ZNF169: variants seen among roughly 807,000 people sequenced by gnomAD.
ZNF169 encodes zinc finger protein 169.
In ZNF169, 11 loss-of-function variants were observed where a neutral mutation model predicts 12.0. The observed-to-expected ratio is 0.92, with a 90% confidence interval of 0.58 to 1.52. The LOEUF (loss-of-function observed/expected upper bound fraction) is 1.52. Among genes scored for constraint, ZNF169 ranks in the 40% most tolerant of loss-of-function variants. The probability of loss-of-function intolerance (pLI) is 0.00; values close to 1 mark genes in which losing one functional copy is unlikely to be tolerated. For synonymous variants in ZNF169, 302 were observed against 286.5 expected, an observed-to-expected ratio of 1.05 and a Z score of -0.55; for missense variants, 722 against 744.0, an observed-to-expected ratio of 0.97 and a Z score of 0.34.
chr9:94,272,099 C>T (rs75769599), intron 1 of ZNF169, among the ~76,000 whole-genome samples: 4,116 of 152,004 alleles, frequency 0.027, 80 homozygotes, highest in Non-Finnish European at 0.04. Context: ...TGGGGCCTGT[C>T]GTTTTTATTT....
At chr9:94,282,401 A>G (rs1277149103) in intron 2 of ZNF169, among the ~76,000 whole-genome samples, 1 of 152,220 alleles carries the variant, frequency 6.6e-6, no homozygotes, top group Non-Finnish European at 1.5e-5. Flanking sequence ...AATGTATGTA[A>G]GCAGTATATT....
At chr9:94,268,788 A>C (rs1355973720) in intron 1 of ZNF169, among the ~76,000 whole-genome samples, 1 of 151,342 alleles carries the variant, frequency 6.6e-6, no homozygotes, top group Non-Finnish European at 1.5e-5. Flanking sequence ...TCCATTTCAA[A>C]AAAAAAAAAA....
At chr9:94,282,378 G>A (rs975398159) in intron 2 of ZNF169, among the ~76,000 whole-genome samples, 1 of 152,172 alleles carries the variant, frequency 6.6e-6, no homozygotes, top group Non-Finnish European at 1.5e-5. Context: ...GGAGACATGC[G>A]ACGACGTCAA....
At chr9:94,298,710 CAGAGCG>C (rs1169660289) in intron 4 of ZNF169, among the ~76,000 whole-genome samples, 1 of 124,286 alleles carries the variant, frequency 8.0e-6, no homozygotes, top group East Asian at 2.2e-4. Flanking sequence ...GCCTGGGCAA[CAGAGCG>C]AGACTCTGTC....
intron 1 of ZNF169, among the ~76,000 whole-genome samples, chr9:94,260,355 A>C (rs933042794): frequency 6.6e-6 from 1 of 152,168 alleles, no homozygotes; most frequent in African/African-American, 2.4e-5. Flanking sequence ...GCCCAACCTC[A>C]GTCCAGTTAT....
intron 2 of ZNF169, among the ~76,000 whole-genome samples, chr9:94,286,405 T>C (rs1423993936): frequency 6.6e-6 from 1 of 152,176 alleles, no homozygotes; most frequent in Non-Finnish European, 1.5e-5. Context: ...TCATCATACT[T>C]GGGAGTGGTA....
At chr9:94,281,082 T>C (rs566834645) in intron 2 of ZNF169, among the ~76,000 whole-genome samples, 6 of 152,214 alleles carry the variant, frequency 3.9e-5, no homozygotes, top group South Asian at 4.1e-4. Flanking sequence ...CTGTGAAAAA[T>C]TGATGAAAAG....
At chr9:94,276,510 C>T (rs1309123262) in intron 1 of ZNF169, among the ~76,000 whole-genome samples, 2 of 152,060 alleles carry the variant, frequency 1.3e-5, no homozygotes, top group African/African-American at 4.8e-5. Context: ...TCACCCACCT[C>T]GGCCTCCCAA....
chr9:94,276,808 A>T (rs938559382), intron 1 of ZNF169, among the ~76,000 whole-genome samples: 1 of 152,182 alleles, frequency 6.6e-6, no homozygotes, highest in Non-Finnish European at 1.5e-5. Context: ...ATTTTTAAAA[A>T]GTTGCAAACA....
In ZNF169 at chr9:94,300,040, C is replaced by G; in HGVS notation, c.482C>G (p.Ser161Cys). Residue 161 changes from serine to cysteine, a missense_variant, in exon 5 of 5, where the codon TCT becomes TGT. Coordinates refer to ENST00000395395, the MANE Select transcript of ZNF169 (RefSeq NM_194320.4). Reference protein sequence around the residue: ...SSLRKRPSRISRTFFSPHQGD... With the variant: ...SSLRKRPSRICRTFFSPHQGD... The stretch of plus-strand genomic sequence containing the variant: ...TTAAGAAAGAGGCCAAGCAGAATTT[C>G]TAGGACATTCTTCAGCCCACATCAA... 1 of 1,614,088 alleles carries G rather than the reference C, an allele frequency of 6.2e-7. No individual in the cohort carries two copies. Among genetic ancestry groups the G allele is most frequent in the South Asian group, 1.1e-5 (1 of 91,074 alleles).
rs1254785035 is a variant in ZNF169 at position 94,270,458 on chromosome 9, A to G, written c.-55-8300A>G. Among the ~76,000 whole-genome samples the G allele has an allele frequency of 2.0e-5, 3 of 150,344 alleles. No individual in the cohort carries two copies. The South Asian group carries it at 6.2e-4, about 31-fold the overall frequency. ...TTCTTGATCTCAGGGAAATCATTCA[A>G]TATTTTGCTATTAAGTATGGTATTA... On this transcript the variant is annotated intron_variant, in intron 1 of 4. Coordinates refer to ENST00000395395, the MANE Select transcript of ZNF169 (RefSeq NM_194320.4).
intron 2 of ZNF169, among the ~76,000 whole-genome samples, chr9:94,281,403 A>T (rs900385652): frequency 2.0e-5 from 3 of 152,216 alleles, no homozygotes; most frequent in Non-Finnish European, 4.4e-5. Flanking sequence ...ATAGAAAGGG[A>T]GCTGGTAAGC....
At chr9:94,283,111 A>G (rs34172416) in intron 2 of ZNF169, among the ~76,000 whole-genome samples, 11,540 of 152,260 alleles carry the variant, frequency 0.076, 607 homozygotes, top group Middle Eastern at 0.13. Context: ...CATGTATCAG[A>G]AAAAATTACA....
chr9:94,279,269 T>TA (rs1474663828), intron 2 of ZNF169, among the ~76,000 whole-genome samples: 4 of 151,912 alleles, frequency 2.6e-5, no homozygotes, highest in Non-Finnish European at 5.9e-5. Context: ...TGGGCGCCTG[T>TA]AATCCCAGCT....
chr9:94,293,289 C>G (rs1830886499), intron 4 of ZNF169: 2 of 597,742 alleles, frequency 3.3e-6, no homozygotes, highest in Non-Finnish European at 6.0e-6. Flanking sequence ...CAGGGAGCCT[C>G]ACTCCTCACT....
In ZNF169 at chr9:94,293,059, C is replaced by T. The variant is rs199728018; in HGVS notation, c.246C>T (p.Asp82=). The change falls in exon 4 of 5, where the codon GAC becomes GAT. Residue 82 remains aspartate (D), a synonymous_variant. Coordinates refer to ENST00000395395, the MANE Select transcript of ZNF169 (RefSeq NM_194320.4). ...GAGAGGAGAACGAACATCTTCTGGA[C>T]CTTTGTCCAGGTGAGTGGGAAGCCC... The part of the protein sequence containing the change: ...PWREENEHLL[D]LCPEPRTEFQ... 1.3e-5 allele frequency: 21 copies of T among 1,612,910 alleles called. No individual in the cohort carries two copies. In the African/African-American group the frequency reaches 1.6e-4, roughly 12 times the overall value.
At chr9:94,262,055 C>G (rs1216731899) in intron 1 of ZNF169, among the ~76,000 whole-genome samples, 1 of 152,214 alleles carries the variant, frequency 6.6e-6, no homozygotes, top group Non-Finnish European at 1.5e-5. Flanking sequence ...CCTGAGTTTT[C>G]TCTGGCAGAA....
At chr9:94,299,391 CTAAGATCT>C (rs1474421368) in intron 4 of ZNF169, 1 of 541,322 alleles carries the variant, frequency 1.8e-6, no homozygotes, top group Non-Finnish European at 2.8e-6. Flanking sequence ...CCTTCAGATG[CTAAGATCT>C]TATTTATAGC....
At position 94,300,871 on chromosome 9, in the gene ZNF169, G is replaced by C; in HGVS notation, c.1313G>C (p.Gly438Ala). Residue 438 changes from glycine to alanine, a missense_variant, in exon 5 of 5, where the codon GGT (glycine) becomes GCT (alanine). Physicochemically the swap from Gly to Ala is moderately conservative, Grantham distance 60. Coordinates refer to ENST00000395395, the MANE Select transcript of ZNF169 (RefSeq NM_194320.4). ...TACCTGTGCCCCCAGTGTGGGCGGG[G>C]TTTTAGCCAGAAGGTCACCCTCATT... Reference protein sequence around the residue: ...KPYLCPQCGRGFSQKVTLIGH... With the variant: ...KPYLCPQCGRAFSQKVTLIGH... 6.2e-7 allele frequency: 1 copy of C among 1,612,420 alleles called. No individual in the cohort carries two copies. Among genetic ancestry groups the C allele is most frequent in the South Asian group, 1.1e-5 (1 of 91,018 alleles).
Sources: gnomAD v4.1 joint callset for allele counts (sites outside exome capture counted in the v4.1 genomes callset) on GRCh38, gnomAD v4.1.1 for gene constraint, MANE v1.5 for transcripts, NCBI Gene and HGNC (gene_info 2026-07-23, HGNC 2026-07-21) for gene names.